Variants in QSER1 observed in about 807,000 individuals in gnomAD.
QSER1 encodes the protein glutamine and serine-rich protein 1.
In QSER1, 49 loss-of-function variants were observed where a neutral mutation model predicts 158.5. That is an observed-to-expected ratio of 0.31 (90% CI 0.25 to 0.39). QSER1 has a LOEUF of 0.39. QSER1 is among the 10% of genes least tolerant of loss of function. QSER1 has a pLI of 1.00. For synonymous variants in QSER1, 650 were observed against 715.5 expected (o/e 0.91, Z 1.46); for missense variants, 1,754 against 2,010.3 (o/e 0.87, Z 2.44).
At chr11:32,929,646 A>G (rs1852019518) in intron 3 of QSER1, among the ~76,000 whole-genome samples, 1 of 152,228 alleles carries the variant, frequency 6.6e-6, no homozygotes, top group South Asian at 2.1e-4. Context: ...TACACAACAT[A>G]TAAATACACC....
chr11:32,964,345 T>C (rs558587308), intron 8 of QSER1, among the ~76,000 whole-genome samples: 1 of 152,320 alleles, frequency 6.6e-6, no homozygotes, highest in African/African-American at 2.4e-5. Context: ...GACAAAGTCA[T>C]GCAAAGTATA....
At chr11:32,925,491 C>CTTTT (rs199729836) in intron 1 of QSER1, among the ~76,000 whole-genome samples, 8,602 of 135,932 alleles carry the variant, frequency 0.063, 339 homozygotes, top group Non-Finnish European at 0.076. Flanking sequence ...TGATACATCG[C>CTTTT]TTTTTTATTT....
intron 10 of QSER1, among the ~76,000 whole-genome samples, chr11:32,972,678 TG>T (rs1203817522): frequency 6.6e-6 from 1 of 152,022 alleles, no homozygotes; most frequent in Non-Finnish European, 1.5e-5. Context: ...TCAAGTAATT[TG>T]CCCACCTTGG....
intron 6 of QSER1, 67 bp downstream of exon 6, chr11:32,955,479 A>G (rs1590178891): frequency 4.1e-6 from 3 of 734,756 alleles, no homozygotes; most frequent in East Asian, 5.7e-5. Context: ...AATGATTTAA[A>G]TATAGAAGTA....
intron 4 of QSER1, among the ~76,000 whole-genome samples, chr11:32,942,995 A>G (rs1160284813): frequency 6.6e-6 from 1 of 152,006 alleles, no homozygotes; most frequent in Non-Finnish European, 1.5e-5. Context: ...CTTTGAAGCA[A>G]TTGTAAATGG....
At chr11:32,927,408 T>A (rs1390412353) in intron 2 of QSER1, 139 bp downstream of exon 2, 2 of 152,624 alleles carry the variant, frequency 1.3e-5, no homozygotes, top group African/African-American at 4.8e-5. Context: ...TAAAAGCTTG[T>A]TTTTTGTTTT....
chr11:32,941,236 ATTT>A (rs869180001), intron 4 of QSER1, among the ~76,000 whole-genome samples: 1 of 119,888 alleles, frequency 8.3e-6, no homozygotes. Flanking sequence ...TATTATTATT[ATTT>A]TTAATTATTA....
intron 10 of QSER1, among the ~76,000 whole-genome samples, chr11:32,972,212 CATAA>C (rs1280409336): frequency 2.0e-5 from 3 of 151,934 alleles, no homozygotes; most frequent in Non-Finnish European, 4.4e-5. Context: ...CATTCTGAAT[CATAA>C]ATATAATAGG....
chr11:32,963,908 T>C (rs1852675825), intron 8 of QSER1, among the ~76,000 whole-genome samples: 1 of 152,004 alleles, frequency 6.6e-6, no homozygotes, highest in Non-Finnish European at 1.5e-5. Flanking sequence ...CTCAAGCCAT[T>C]GTCCTGCTTC....
chr11:32,973,436 C>A lies in QSER1; in HGVS notation c.5245C>A (p.Arg1749=). ...TTTTCCTGAACTAACAATAATTACT[C>A]GAGATTCTAAAGCAAAGAGTGGAGG... ...ESFPELTIIT[R]DSKAKSGGTA... Residue 1749 remains arginine (R), a synonymous_variant, in exon 11 of 13, where the codon CGA becomes AGA. Transcript: ENST00000650167. The A allele has an allele frequency of 6.2e-7, 1 of 1,613,632 alleles. No individual in the cohort carries two copies. The highest frequency in any genetic ancestry group is 1.1e-5 in the South Asian group (1 of 90,964).
intron 10 of QSER1, among the ~76,000 whole-genome samples, chr11:32,969,367 T>C (rs1852809001): frequency 6.6e-6 from 1 of 152,164 alleles, no homozygotes; most frequent in African/African-American, 2.4e-5. Context: ...CTATTATATC[T>C]TCTATAAAAT....
At chr11:32,930,345 C>T (rs1045841651) in intron 3 of QSER1, among the ~76,000 whole-genome samples, 7 of 152,090 alleles carry the variant, frequency 4.6e-5, no homozygotes, top group African/African-American at 1.7e-4. Context: ...TTATTTTAAA[C>T]ATTTCTAAGT....
At position 32,978,342 on chromosome 11, in the gene QSER1, A is replaced by G. The variant is rs994484802; in HGVS notation, c.*1868A>G. The G allele has an allele frequency of 1.3e-5, 2 of 152,244 alleles. No individual in the cohort carries two copies. Among genetic ancestry groups the G allele is most frequent in the African/African-American group, 2.4e-5 (1 of 41,466 alleles). 9.4% of individuals were successfully genotyped at this position (152,244 alleles called of 1,614,324 possible). On this transcript the variant is annotated 3_prime_UTR_variant, in exon 13 of 13. Transcript: ENST00000650167. ...GTGGAGAGGAGTAGGAAGCAGCCATATGATAGTATTGACTCTGGACAGAAT... is the reference window on the plus strand; with the variant it reads ...GTGGAGAGGAGTAGGAAGCAGCCATGTGATAGTATTGACTCTGGACAGAAT...
Position 32,934,646 on chromosome 11 carries a change from A to G in QSER1, c.3388A>G (p.Asn1130Asp). Reference sequence around the variant, plus strand: ...AGCTCCTGTTGATAGTACATTAAATAATAACAGAAACCAAGAGTTTGTTTC... The same window carrying G: ...AGCTCCTGTTGATAGTACATTAAATGATAACAGAAACCAAGAGTTTGTTTC... The part of the protein sequence containing the change: ...SEAPVDSTLN[N>D]NRNQEFVSSS... The change falls in exon 4 of 13, where the codon AAT becomes GAT. Residue 1130 changes from asparagine to aspartate, a missense_variant. Physicochemically the swap from Asn to Asp is conservative, Grantham distance 23 (BLOSUM62 1). Transcript: ENST00000650167. 1 of 1,613,856 alleles carries G rather than the reference A, an allele frequency of 6.2e-7. No individual in the cohort carries two copies. The highest frequency in any genetic ancestry group is 1.1e-5 in the South Asian group (1 of 91,080).
chr11:32,965,826 A>G (rs1474018373), intron 8 of QSER1, among the ~76,000 whole-genome samples: 1 of 152,062 alleles, frequency 6.6e-6, no homozygotes, highest in Non-Finnish European at 1.5e-5. Context: ...CTATAATCCC[A>G]GCTACTCGGG....
At chr11:32,971,414 T>C (rs970118039) in intron 10 of QSER1, among the ~76,000 whole-genome samples, 2 of 152,212 alleles carry the variant, frequency 1.3e-5, no homozygotes, top group Non-Finnish European at 2.9e-5. Flanking sequence ...TTCTGAAATC[T>C]GTGTACTTCA....
At chr11:32,950,168 C>T (rs1321082979) in intron 4 of QSER1, among the ~76,000 whole-genome samples, 2 of 152,056 alleles carry the variant, frequency 1.3e-5, no homozygotes, top group Admixed American at 1.3e-4. Context: ...AATCTAGGCT[C>T]ACTGCAACCT....
chr11:32,947,255 C>T (rs1345665009), intron 4 of QSER1, among the ~76,000 whole-genome samples: 2 of 145,214 alleles, frequency 1.4e-5, no homozygotes, highest in African/African-American at 5.0e-5. Context: ...GGCTCCTCCC[C>T]CTGTTTTAAT....
chr11:32,969,443 T>G (rs1026343016), intron 10 of QSER1, among the ~76,000 whole-genome samples: 17 of 152,154 alleles, frequency 1.1e-4, no homozygotes, highest in African/African-American at 4.1e-4. Flanking sequence ...AAAATTAGCT[T>G]TTCCTTAGCA....
Sources: allele counts gnomAD v4.1 joint callset (sites outside exome capture counted in the v4.1 genomes callset), GRCh38; gene constraint gnomAD v4.1.1; transcripts MANE v1.5; gene names NCBI Gene and HGNC (gene_info 2026-07-23, HGNC 2026-07-21).